WDR97: variants seen among roughly 807,000 people sequenced by gnomAD.
WDR97 encodes the protein WD repeat-containing protein 97.
Under a neutral mutation model 65.4 loss-of-function variants are expected in WDR97, and 111 were observed. That is an observed-to-expected ratio of 1.70 (90% CI 1.45 to 1.99). The LOEUF (loss-of-function observed/expected upper bound fraction) is 1.99, where lower values mean the gene tolerates loss of function less well. Among genes scored for constraint, WDR97 ranks in the 30% most tolerant of loss-of-function variants. WDR97 has a pLI of 0.00. For missense variants in WDR97, 1,674 were observed against 865.0 expected (o/e 1.94, Z -11.73); for synonymous variants, 802 against 397.7 (o/e 2.02, Z -12.10).
rs1359992231 is a variant in WDR97, at chr8:144,109,738, A to G, written c.1404A>G (p.Ser468=). The G allele has an allele frequency of 1.0e-5, 7 of 681,162 alleles. No homozygotes were observed. Among genetic ancestry groups the G allele is most frequent in the Non-Finnish European group, 1.9e-5 (7 of 376,614 alleles). The allele number at this position is 681,162 out of a possible 1,614,324, so 42.2% of individuals were successfully genotyped here. Residue 468 remains serine (S), a synonymous_variant, in exon 5 of 24, where the codon TCA becomes TCG. Transcript: ENST00000323662. ...CGGCCACCGGGCGCATAGTGAGCTC[A>G]CTGCTGCTGGAGCCGGAGGACTGCG... is the stretch of plus-strand genomic sequence containing the variant. ...LSAATGRIVS[S]LLLEPEDCAA...
chr8:144,109,169 A>G lies in WDR97; in HGVS notation c.999A>G (p.Thr333=), dbSNP rs769044461. Residue 333 remains threonine, a splice_region_variant and synonymous_variant, in exon 4 of 24, where the codon ACA becomes ACG. Transcript: ENST00000323662. ...WQIRMVFVGH[T]GPVTAMTVLP... ...TCCGGATGGTGTTCGTGGGCCACAC[A>G]GGTGCTCTGAGTTCTCTGCACCCCG... 3 of 702,874 alleles carry G rather than the reference A, an allele frequency of 4.3e-6. No individual in the cohort carries two copies. The highest frequency in any genetic ancestry group is 7.8e-6 in the Non-Finnish European group (3 of 384,992). 43.5% of individuals were successfully genotyped at this position (702,874 alleles called of 1,614,324 possible).
Position 144,108,428 on chromosome 8 carries a change from G to T in WDR97, c.362G>T (p.Arg121Leu), listed in dbSNP as rs1438248550. 5.7e-6 allele frequency: 4 copies of T among 699,532 alleles called. No individual in the cohort carries two copies. Among genetic ancestry groups the T allele is most frequent in the Non-Finnish European group, 1.0e-5 (4 of 383,684 alleles). 43.3% of individuals were successfully genotyped at this position (699,532 alleles called of 1,614,324 possible). A position where few individuals can be genotyped will look rare whatever the true frequency, so the allele number is the denominator to read the frequency against. The change falls in exon 3 of 24, where the codon CGC (arginine) becomes CTC (leucine). Residue 121 changes from arginine (R) to leucine (L), a missense_variant. Coordinates refer to ENST00000323662, the MANE Select transcript of WDR97 (RefSeq NM_001316309.2). ...RSVAQDPVGG[R>L]FVVLDGAGRL... The stretch of plus-strand genomic sequence containing the variant: ...GTGGCGCAGGACCCGGTGGGTGGAC[G>T]CTTCGTGGTGCTGGACGGCGCGGGC...
At chr8:144,116,070 T>G (rs1192880829) in intron 23 of WDR97, 21 bp from the exon 24 acceptor site, 3 of 494,808 alleles carry the variant, frequency 6.1e-6, no homozygotes, top group Non-Finnish European at 7.5e-6. Context: ...CCGGGCCTCA[T>G]AAGCCTCCGC....
In WDR97 at chr8:144,110,196, G is replaced by A. The variant is rs1836517354; in HGVS notation, c.1783G>A (p.Ala595Thr). The A allele has an allele frequency of 1.4e-6, 1 of 702,808 alleles. No individual in the cohort carries two copies. The highest frequency in any genetic ancestry group is 2.6e-6 in the Non-Finnish European group (1 of 384,968). The allele number at this position is 702,808 out of a possible 1,614,324, so 43.5% of individuals were successfully genotyped here. Residue 595 changes from alanine (A) to threonine (T), a missense_variant, in exon 6 of 24, where the codon GCG becomes ACG. Ala to Thr is a moderately conservative substitution (Grantham distance 58, BLOSUM62 0). Coordinates refer to ENST00000323662, the MANE Select transcript of WDR97 (RefSeq NM_001316309.2). ...GTCGAAGACTGTCTTCCAAACGGAG[G>A]CGCACAGCCCGGGCCCGGTTGTCGC... ...LSSKTVFQTE[A>T]HSPGPVVAIA...
In WDR97 at chr8:144,110,682, C is replaced by T. The variant is rs764845144; in HGVS notation, c.2114C>T (p.Ala705Val). 3.7e-5 allele frequency: 26 copies of T among 702,764 alleles called. No individual in the cohort carries two copies. Among genetic ancestry groups the T allele is most frequent in the Non-Finnish European group, 5.2e-5 (20 of 385,020 alleles). 43.5% of individuals were successfully genotyped at this position (702,764 alleles called of 1,614,324 possible). The change falls in exon 8 of 24, where the codon GCC becomes GTC. Residue 705 changes from alanine (A) to valine (V), a missense_variant. Physicochemically the swap from Ala to Val is moderately conservative, Grantham distance 64. Coordinates refer to ENST00000323662, the MANE Select transcript of WDR97 (RefSeq NM_001316309.2). Reference protein sequence around the residue: ...LCCCPTLKLYACSSLDCTVRI... With the variant: ...LCCCPTLKLYVCSSLDCTVRI... ...TGCTGCCCCACGCTCAAACTGTATG[C>T]CTGCTCCAGCCTGGACTGCACCGTT...
At position 144,116,606 on chromosome 8, in the gene WDR97, C is replaced by T; in HGVS notation, c.*313C>T. ...TGAGCAAACGTTTTCTGCTCAAGTACTAGGTGTTGAGATGCGGGCTGACCT... is the reference window on the plus strand; with the variant it reads ...TGAGCAAACGTTTTCTGCTCAAGTATTAGGTGTTGAGATGCGGGCTGACCT... On this transcript the variant is annotated 3_prime_UTR_variant, in exon 24 of 24. Transcript: ENST00000323662. 7.0e-6 allele frequency: 2 copies of T among 284,062 alleles called. No homozygotes were observed. Among genetic ancestry groups the T allele is most frequent in the Non-Finnish European group, 1.3e-5 (2 of 153,194 alleles). 17.6% of individuals were successfully genotyped at this position (284,062 alleles called of 1,614,324 possible). A position where few individuals can be genotyped will look rare whatever the true frequency, so the allele number is the denominator to read the frequency against.
At position 144,109,673 on chromosome 8, in the gene WDR97, G is replaced by C. The variant is rs1836502874; in HGVS notation, c.1339G>C (p.Val447Leu). The change falls in exon 5 of 24, where the codon GTG (valine) becomes CTG (leucine). Residue 447 changes from valine to leucine, a missense_variant. Transcript: ENST00000323662. ...PAHQSLPTRL[V>L]CACADGSVYL... ...GCACCAGTCGCTGCCTACGCGCCTC[G>C]TGTGCGCGTGCGCCGACGGCTCGGT... 1.5e-6 allele frequency: 1 copy of C among 667,774 alleles called. No homozygotes were observed. The highest frequency in any genetic ancestry group is 2.7e-6 in the Non-Finnish European group (1 of 370,114). 41.4% of individuals were successfully genotyped at this position (667,774 alleles called of 1,614,324 possible). A position where few individuals can be genotyped will look rare whatever the true frequency, so the allele number is the denominator to read the frequency against.
chr8:144,108,947 G>C lies in WDR97; in HGVS notation c.878+3G>C, dbSNP rs1357366418. ...GTGCGCCGGGATTTGCACAAAACGTGAGGGGGATCCCCCTAGGGAGGGCCA... is the reference window on the plus strand; with the variant it reads ...GTGCGCCGGGATTTGCACAAAACGTCAGGGGGATCCCCCTAGGGAGGGCCA... On this transcript the variant is annotated splice_donor_region_variant and intron_variant, in intron 3 of 23. Transcript: ENST00000323662. 1.4e-6 allele frequency: 1 copy of C among 703,044 alleles called. No individual in the cohort carries two copies. Among genetic ancestry groups the C allele is most frequent in the Admixed American group, 2.0e-5 (1 of 50,022 alleles). The allele number at this position is 703,044 out of a possible 1,614,324, so 43.6% of individuals were successfully genotyped here.
Position 144,110,378 on chromosome 8 carries a change from C to T in WDR97, c.1881C>T (p.Pro627=). ...CGGTGAAGATGTGGCGCGTCTTCCC[C>T]TATGCCGAAGAGAGCCTGAGCCTGC... ...DLTVKMWRVF[P]YAEESLSLLR... is the part of the protein sequence containing the mutation. Residue 627 remains proline, a synonymous_variant, in exon 7 of 24, where the codon CCC becomes CCT. Transcript: ENST00000323662. 2.8e-6 allele frequency: 2 copies of T among 702,982 alleles called. No individual in the cohort carries two copies. Among genetic ancestry groups the T allele is most frequent in the Non-Finnish European group, 5.2e-6 (2 of 384,978 alleles). The allele number at this position is 702,982 out of a possible 1,614,324, so 43.5% of individuals were successfully genotyped here.
chr8:144,113,968 C>T lies in WDR97; in HGVS notation c.3409-9C>T, dbSNP rs1192524084. The T allele has an allele frequency of 1.4e-6, 1 of 700,302 alleles. No individual in the cohort carries two copies. Among genetic ancestry groups the T allele is most frequent in the East Asian group, 2.7e-5 (1 of 37,226 alleles). 43.4% of individuals were successfully genotyped at this position (700,302 alleles called of 1,614,324 possible). ...CAGGTGGGACCTGCAGCCACTGCTG[C>T]TCCCCTAGAGTGCTGTGGACTGGAC... On this transcript the variant is annotated splice_polypyrimidine_tract_variant and intron_variant, in intron 17 of 23. Coordinates refer to ENST00000323662, the MANE Select transcript of WDR97 (RefSeq NM_001316309.2).
In WDR97 at chr8:144,110,384, C is replaced by G. The variant is rs539883762; in HGVS notation, c.1887C>G (p.Ala629=). Residue 629 remains alanine, a synonymous_variant, in exon 7 of 24, where the codon GCC becomes GCG. Transcript: ENST00000323662. ...AGATGTGGCGCGTCTTCCCCTATGC[C>G]GAAGAGAGCCTGAGCCTGCTGCGCA... is the stretch of plus-strand genomic sequence containing the variant. ...TVKMWRVFPY[A]EESLSLLRTF... 164 of 702,972 alleles carry G rather than the reference C, an allele frequency of 2.3e-4. No homozygotes were observed. The East Asian group carries it at 4.2e-3, about 18-fold the overall frequency. 43.5% of individuals were successfully genotyped at this position (702,972 alleles called of 1,614,324 possible).
chr8:144,113,672 G>C lies in WDR97; in HGVS notation c.3199G>C (p.Asp1067His). 1 of 662,754 alleles carries C rather than the reference G, an allele frequency of 1.5e-6. No homozygotes were observed. The highest frequency in any genetic ancestry group is 2.8e-6 in the Non-Finnish European group (1 of 361,790). The allele number at this position is 662,754 out of a possible 1,614,324, so 41.1% of individuals were successfully genotyped here. The part of the protein sequence containing the change: ...WLNAEPGASQ[D>H]ALWLWRPRPS... The stretch of plus-strand genomic sequence containing the variant: ...CCCTCTGCAGCCAGGGGCAAGCCAG[G>C]ATGCCCTGTGGTTGTGGCGCCCCAG... The change falls in exon 17 of 24, where the codon GAT (aspartate) becomes CAT (histidine). Residue 1067 changes from aspartate to histidine, a missense_variant. Asp to His is a moderately conservative substitution (Grantham distance 81, BLOSUM62 -1). Transcript: ENST00000323662.
In WDR97 at chr8:144,115,979, G is replaced by A. The variant is rs183703455; in HGVS notation, c.4632G>A (p.Pro1544=). ...HPILRLQEAK[P]QRSARSAMRL... ...TCCTCCGGCTGCAGGAGGCCAAGCC[G>A]CAGAGGTCCGCGAGGTCCGCGATGA... The change falls in exon 23 of 24, where the codon CCG becomes CCA. Residue 1544 remains proline, a synonymous_variant. Coordinates refer to ENST00000323662, the MANE Select transcript of WDR97 (RefSeq NM_001316309.2). The A allele has an allele frequency of 1.4e-5, 10 of 700,828 alleles. No individual in the cohort carries two copies. Among genetic ancestry groups the A allele is most frequent in the Non-Finnish European group, 2.6e-5 (10 of 384,418 alleles). 43.4% of individuals were successfully genotyped at this position (700,828 alleles called of 1,614,324 possible). A position where few individuals can be genotyped will look rare whatever the true frequency, so the allele number is the denominator to read the frequency against.
At chr8:144,109,194 G>T (rs994284221) in intron 4 of WDR97, 24 bp downstream of exon 4, 2 of 702,692 alleles carry the variant, frequency 2.8e-6, no homozygotes, top group Admixed American at 2.0e-5. Flanking sequence ...TCTGCACCCC[G>T]AGCCTCGGCC....
Position 144,111,469 on chromosome 8 carries a change from C to T in WDR97, c.2470C>T (p.His824Tyr). 2.8e-6 allele frequency: 2 copies of T among 702,774 alleles called. No homozygotes were observed. The highest frequency in any genetic ancestry group is 1.5e-5 in the South Asian group (1 of 67,606). The allele number at this position is 702,774 out of a possible 1,614,324, so 43.5% of individuals were successfully genotyped here. ...CCATCGTCGGAGGGCAACATCTCAG[C>T]ACCTGGTGCCGAAGGAGGTGGGGTG... is the stretch of plus-strand genomic sequence containing the variant. ...LIHRRRATSQ[H>Y]LVPKEDLDAI... is the part of the protein sequence containing the mutation. Residue 824 changes from histidine (H) to tyrosine (Y), a missense_variant, in exon 11 of 24, where the codon CAC becomes TAC. Physicochemically the swap from His to Tyr is moderately conservative, Grantham distance 83 (BLOSUM62 2). Transcript: ENST00000323662.
At position 144,115,564 on chromosome 8, in the gene WDR97, G is replaced by C. The variant is rs1836634768; in HGVS notation, c.4301G>C (p.Arg1434Pro). The C allele has an allele frequency of 1.4e-6, 1 of 695,254 alleles. No individual in the cohort carries two copies. Among genetic ancestry groups the C allele is most frequent in the Admixed American group, 2.0e-5 (1 of 49,656 alleles). The allele number at this position is 695,254 out of a possible 1,614,324, so 43.1% of individuals were successfully genotyped here. The change falls in exon 22 of 24, where the codon CGT becomes CCT. Residue 1434 changes from arginine to proline, a missense_variant. By Grantham distance (103) the Arg-to-Pro change is moderately radical (BLOSUM62 -2). Transcript: ENST00000323662. ...PKRSWGTPQL[R>P]LRVLSETLKS... ...CGCAGCTGGGGGACCCCTCAGCTCC[G>C]TCTCAGAGTGCTCTCCGAGACGCTG...
Position 144,114,913 on chromosome 8 carries a change from T to A in WDR97, c.4077+2T>A. The stretch of plus-strand genomic sequence containing the variant: ...GAGGACATGATCCAGGAGCTTCAGG[T>A]TGGGCCGGCAGGGGCCGGGGGGGCC... On this transcript the variant is annotated splice_donor_variant, in intron 21 of 23. Coordinates refer to ENST00000323662, the MANE Select transcript of WDR97 (RefSeq NM_001316309.2). LOFTEE classifies it high-confidence loss of function. The A allele has an allele frequency of 1.4e-6, 1 of 689,710 alleles. No homozygotes were observed. Among genetic ancestry groups the A allele is most frequent in the Non-Finnish European group, 2.6e-6 (1 of 380,216 alleles). The allele number at this position is 689,710 out of a possible 1,614,324, so 42.7% of individuals were successfully genotyped here.
At chr8:144,114,227 G>A (rs1227246072) in intron 18 of WDR97, 51 bp from the exon 19 acceptor site, 1 of 693,926 alleles carries the variant, frequency 1.4e-6, no homozygotes, top group Non-Finnish European at 2.6e-6. Flanking sequence ...AGAAGGTAGG[G>A]GCTGGCTTGG....
chr8:144,108,476 A>G lies in WDR97; in HGVS notation c.410A>G (p.Asp137Gly). The change falls in exon 3 of 24, where the codon GAC (aspartate) becomes GGC (glycine). Residue 137 changes from aspartate (D) to glycine (G), a missense_variant. Coordinates refer to ENST00000323662, the MANE Select transcript of WDR97 (RefSeq NM_001316309.2). ...GAGRLHLHKE[D>G]GWAQETLLAP... ...GGCCGCCTGCACCTGCACAAGGAAG[A>G]CGGCTGGGCACAGGAGACGCTGCTG... is the stretch of plus-strand genomic sequence containing the variant. 2.9e-6 allele frequency: 2 copies of G among 700,532 alleles called. No individual in the cohort carries two copies. The highest frequency in any genetic ancestry group is 5.2e-6 in the Non-Finnish European group (2 of 384,120). 43.4% of individuals were successfully genotyped at this position (700,532 alleles called of 1,614,324 possible). A position where few individuals can be genotyped will look rare whatever the true frequency, so the allele number is the denominator to read the frequency against.
Sources: gnomAD v4.1 joint callset for allele counts on GRCh38, gnomAD v4.1.1 for gene constraint, MANE v1.5 for transcripts, NCBI Gene and HGNC (gene_info 2026-07-23, HGNC 2026-07-21) for gene names.